RANBP17: variants seen among roughly 807,000 people sequenced by gnomAD.
The protein encoded by RANBP17 is RAN binding protein 17, also known as ran-binding protein 17.
RANBP17 carries 158 observed loss-of-function variants against 141.2 expected under a neutral mutation model. The observed-to-expected ratio is 1.12, with a 90% confidence interval of 0.98 to 1.28. The LOEUF is 1.28. RANBP17 is among the 50% of genes most tolerant of loss of function. RANBP17 has a pLI of 0.00. For missense variants in RANBP17, 1,438 were observed against 1,290.7 expected (o/e 1.11, Z -1.75); for synonymous variants, 430 against 450.0 (o/e 0.96, Z 0.56).
In RANBP17 at chr5:170,994,098, G is replaced by T. The variant is rs1048645689; in HGVS notation, c.1710+25721G>T. On this transcript the variant is annotated intron_variant, in intron 14 of 27. Transcript: ENST00000523189. The stretch of plus-strand genomic sequence containing the variant: ...TTTTGCAAAATACAGTCTGGGAAAT[G>T]CTATCTAGACCAGGCACTTTCTTTT... 2.0e-5 allele frequency among the ~76,000 whole-genome samples: 3 copies of T among 151,920 alleles called. No individual in the cohort carries two copies. In the East Asian group the frequency reaches 5.8e-4, roughly 29 times the overall value.
chr5:170,883,882 T>C (rs148916118), intron 3 of RANBP17, among the ~76,000 whole-genome samples: 341 of 152,350 alleles, frequency 2.2e-3, no homozygotes, highest in African/African-American at 7.5e-3. Context: ...CTTCCAAGTT[T>C]TGACAATTAT....
intron 13 of RANBP17, among the ~76,000 whole-genome samples, chr5:170,967,297 ATG>A (rs1776644914): frequency 6.6e-6 from 1 of 152,054 alleles, no homozygotes; most frequent in South Asian, 2.1e-4. Flanking sequence ...ACTATTAATA[ATG>A]TGTGTATATA....
At chr5:171,059,950 A>G (rs1449520415) in intron 14 of RANBP17, among the ~76,000 whole-genome samples, 186 of 28,856 alleles carry the variant, frequency 6.4e-3, no homozygotes, top group Middle Eastern at 0.016. Flanking sequence ...TTCACTCATG[A>G]TTTGGCTCTC....
rs1157918449 is a variant in RANBP17, at chr5:171,265,833, G to A, written c.2929G>A (p.Asp977Asn). ...RLLHFMQQNP[D>N]VLQQMMSVLM... ...ATTACATTTTATGCAGCAAAACCCA[G>A]ATGTCCTGCAGCAGGTAACTGGTGG... is the stretch of plus-strand genomic sequence containing the variant. The change falls in exon 25 of 28, where the codon GAT (aspartate) becomes AAT (asparagine). Residue 977 changes from aspartate to asparagine, a missense_variant. Coordinates refer to ENST00000523189, the MANE Select transcript of RANBP17 (RefSeq NM_022897.5). The A allele has an allele frequency of 2.2e-5, 35 of 1,613,282 alleles. No individual in the cohort carries two copies. Among genetic ancestry groups the A allele is most frequent in the Non-Finnish European group, 2.7e-5 (32 of 1,179,752 alleles).
intron 14 of RANBP17, among the ~76,000 whole-genome samples, chr5:171,028,499 T>C (rs1781362626): frequency 6.6e-6 from 1 of 152,170 alleles, no homozygotes; most frequent in South Asian, 2.1e-4. Flanking sequence ...TTTATTAATT[T>C]GGACTGATGC....
chr5:171,227,371 T>C (rs1005144823), intron 22 of RANBP17, among the ~76,000 whole-genome samples: 4 of 152,226 alleles, frequency 2.6e-5, no homozygotes, highest in Non-Finnish European at 4.4e-5. Flanking sequence ...AGTCATAATA[T>C]TCCCTTAAGG....
intron 14 of RANBP17, among the ~76,000 whole-genome samples, chr5:171,096,951 G>A (rs1045367988): frequency 4.6e-5 from 7 of 151,676 alleles, no homozygotes; most frequent in Non-Finnish European, 8.8e-5. Flanking sequence ...GATTATAATG[G>A]TTTTGGTTGA....
intron 13 of RANBP17, among the ~76,000 whole-genome samples, chr5:170,959,463 T>G (rs1347203376): frequency 6.6e-6 from 1 of 152,162 alleles, no homozygotes; most frequent in African/African-American, 2.4e-5. Context: ...ACCAGTGTGT[T>G]TTCACTTTAG....
intron 22 of RANBP17, among the ~76,000 whole-genome samples, chr5:171,229,162 A>G (rs1488159347): frequency 1.3e-5 from 2 of 152,244 alleles, no homozygotes; most frequent in Non-Finnish European, 2.9e-5. Flanking sequence ...TCCAGGAACT[A>G]TGGATATGGT....
At chr5:171,148,925 A>C (rs1758278954) in intron 14 of RANBP17, among the ~76,000 whole-genome samples, 1 of 152,252 alleles carries the variant, frequency 6.6e-6, no homozygotes, top group Non-Finnish European at 1.5e-5. Context: ...GTGCTTGCCC[A>C]TAATGAGCAC....
In RANBP17 at chr5:171,176,518, G is replaced by T. The variant is rs528923762; in HGVS notation, c.1865+5232G>T. On this transcript the variant is annotated intron_variant, in intron 16 of 27. Transcript: ENST00000523189. Reference sequence around the variant, plus strand: ...ATAAAACACAGACCCTGCCCTCGTGGATTTTAAATTCTAACAGAATTGACA... The same window carrying T: ...ATAAAACACAGACCCTGCCCTCGTGTATTTTAAATTCTAACAGAATTGACA... Among the ~76,000 whole-genome samples the T allele has an allele frequency of 2.0e-5, 3 of 152,188 alleles. No individual in the cohort carries two copies. The South Asian group carries it at 6.2e-4, about 32-fold the overall frequency.
chr5:171,069,510 T>C (rs1269072440), intron 14 of RANBP17, among the ~76,000 whole-genome samples: 1 of 152,228 alleles, frequency 6.6e-6, no homozygotes, highest in Non-Finnish European at 1.5e-5. Flanking sequence ...TACCCTGCCA[T>C]TGTTGTGTCA....
At chr5:171,208,320 C>T (rs1436411665) in intron 20 of RANBP17, among the ~76,000 whole-genome samples, 1 of 152,172 alleles carries the variant, frequency 6.6e-6, no homozygotes, top group Non-Finnish European at 1.5e-5. Context: ...AACTAAATTG[C>T]CTGAAACTAC....
At chr5:171,141,432 TAAAAAAAAAAA>T (rs760388998) in intron 14 of RANBP17, among the ~76,000 whole-genome samples, 1 of 130,252 alleles carries the variant, frequency 7.7e-6, no homozygotes, top group African/African-American at 2.8e-5. Flanking sequence ...CCATCTCTAC[TAAAAAAAAAAA>T]AAAAATACAA....
At chr5:171,016,614 A>T (rs899710167) in intron 14 of RANBP17, among the ~76,000 whole-genome samples, 1 of 151,984 alleles carries the variant, frequency 6.6e-6, no homozygotes, top group Admixed American at 6.6e-5. Context: ...TACGTGTGCC[A>T]TGTTGGTGTG....
At chr5:171,279,919 C>G (rs565544376) in intron 25 of RANBP17, among the ~76,000 whole-genome samples, 58 of 152,236 alleles carry the variant, frequency 3.8e-4, no homozygotes, top group African/African-American at 1.3e-3. Flanking sequence ...TTTCGCAGGG[C>G]CTTAACCTAC....
At chr5:170,968,418 T>C (rs765927811) in intron 14 of RANBP17, 41 bp downstream of exon 14, 1 of 1,546,320 alleles carries the variant, frequency 6.5e-7, no homozygotes, top group East Asian at 2.3e-5. Flanking sequence ...TTATTGGGGA[T>C]GAAGAAAGAT....
At chr5:170,905,936 G>A (rs1771042139) in intron 5 of RANBP17, among the ~76,000 whole-genome samples, 1 of 152,092 alleles carries the variant, frequency 6.6e-6, no homozygotes, top group African/African-American at 2.4e-5. Context: ...TCTGGTAAAT[G>A]TGCAGTTTAG....
rs149117476 is a variant in RANBP17 at position 171,049,355 on chromosome 5, A to G, written c.1710+80978A>G. ...GTAAATTTGTTTAAGTTCCTTATAGATGCTGGATATTAGACCTTTGTTGGA... is the reference window on the plus strand; with the variant it reads ...GTAAATTTGTTTAAGTTCCTTATAGGTGCTGGATATTAGACCTTTGTTGGA... On this transcript the variant is annotated intron_variant, in intron 14 of 27. Coordinates refer to ENST00000523189, the MANE Select transcript of RANBP17 (RefSeq NM_022897.5). Among the ~76,000 whole-genome samples, 287 of 152,260 alleles carry G rather than the reference A, an allele frequency of 1.9e-3. 1 individual carries two copies. The highest frequency in any genetic ancestry group is 6.1e-3 in the African/African-American group (255 of 41,556).
Sources: gnomAD v4.1 joint callset for allele counts (sites outside exome capture counted in the v4.1 genomes callset) on GRCh38, gnomAD v4.1.1 for gene constraint, MANE v1.5 for transcripts, NCBI Gene and HGNC (gene_info 2026-07-23, HGNC 2026-07-21) for gene names.